GJC1: variants seen among roughly 807,000 people sequenced by gnomAD.
GJC1 encodes the protein gap junction gamma-1 protein.
A neutral mutation model predicts 29.3 loss-of-function variants in GJC1; 5 were observed. That is an observed-to-expected ratio of 0.17 (90% CI 0.09 to 0.36). GJC1 has a LOEUF of 0.36. GJC1 is among the 10% of genes least tolerant of loss of function. The pLI is 1.00. For missense variants in GJC1, 310 were observed against 496.2 expected, an observed-to-expected ratio of 0.62 and a Z score of 3.56; for synonymous variants, 177 against 183.3, an observed-to-expected ratio of 0.97 and a Z score of 0.28.
chr17:44,806,700 C>T (rs987795060), intron 2 of GJC1, among the ~76,000 whole-genome samples: 5 of 151,732 alleles, frequency 3.3e-5, no homozygotes, highest in Non-Finnish European at 7.4e-5. Context: ...GACCTAGGTT[C>T]TTTACACATA....
At chr17:44,825,435 G>A (rs540990738) in intron 1 of GJC1, among the ~76,000 whole-genome samples, 26 of 151,870 alleles carry the variant, frequency 1.7e-4, no homozygotes, top group Admixed American at 5.3e-4. Context: ...GCGGTGAGCC[G>A]AGATTGCGCG....
chr17:44,804,589 ATAAACTATGAAAAGCACAGGTT>A lies in GJC1; in HGVS notation c.*16_*37del, dbSNP rs777233326. 1 of 1,467,786 alleles carries A rather than the reference ATAAACTATGAAAAGCACAGGTT, an allele frequency of 6.8e-7. No homozygotes were observed. The highest frequency in any genetic ancestry group is 2.3e-5 in the East Asian group (1 of 44,162). The allele number at this position is 1,467,786 out of a possible 1,614,324, so 90.9% of individuals were successfully genotyped here. A position where few individuals can be genotyped will look rare whatever the true frequency, so the allele number is the denominator to read the frequency against. On this transcript the variant is annotated 3_prime_UTR_variant, in exon 3 of 3. Transcript: ENST00000592524. Reference sequence around the variant, plus strand: ...ATTATTCAGTGAGCTGCTGCTTACCATAAACTATGAAAAGCACAGGTTTTAAGCCCGCCAGGATTAAATCCAG... The same window carrying A: ...ATTATTCAGTGAGCTGCTGCTTACCATTAAGCCCGCCAGGATTAAATCCAG...
chr17:44,808,554 C>T (rs1308712317), intron 1 of GJC1, among the ~76,000 whole-genome samples: 1 of 151,860 alleles, frequency 6.6e-6, no homozygotes, highest in Non-Finnish European at 1.5e-5. Context: ...AGTTTGAGAC[C>T]AGCCTGGGCA....
Position 44,804,523 on chromosome 17 carries a change from C to T in GJC1, c.*104G>A. The T allele has an allele frequency of 1.1e-6, 1 of 926,698 alleles. No individual in the cohort carries two copies. The highest frequency in any genetic ancestry group is 1.7e-6 in the Non-Finnish European group (1 of 599,966). The allele number at this position is 926,698 out of a possible 1,614,324, so 57.4% of individuals were successfully genotyped here. ...GCTTGGATCATGAGCCAACAGCATC[C>T]CTGAAGATAACCAGAGCCAAATGTT... is the stretch of plus-strand genomic sequence containing the variant. On this transcript the variant is annotated 3_prime_UTR_variant, in exon 3 of 3. Transcript: ENST00000592524.
intron 1 of GJC1, among the ~76,000 whole-genome samples, chr17:44,827,169 G>A (rs2050185177): frequency 6.6e-6 from 1 of 152,056 alleles, no homozygotes; most frequent in African/African-American, 2.4e-5. Flanking sequence ...AATTAGCTGG[G>A]CATGGTGGGG....
chr17:44,821,697 CAAAAAA>C (rs61303163), intron 1 of GJC1, among the ~76,000 whole-genome samples: 6 of 58,356 alleles, frequency 1.0e-4, no homozygotes, highest in African/African-American at 3.1e-4. Flanking sequence ...AACTCCGTCT[CAAAAAA>C]AAAAAAAAAA....
chr17:44,821,883 C>T (rs12942842), intron 1 of GJC1, among the ~76,000 whole-genome samples: 76,831 of 151,292 alleles, frequency 0.51, 19,747 homozygotes, highest in East Asian at 0.6. Flanking sequence ...TAAACAAATA[C>T]AGGGCATTTA....
chr17:44,804,638 C>T lies in GJC1; in HGVS notation c.1180G>A (p.Val394Ile), dbSNP rs146820007. ...SSKSGDGKTSVWI is the reference protein window; with the variant it reads ...SSKSGDGKTSIWI ...TAAGCCCGCCAGGATTAAATCCAGACGGAGGTCTTCCCATCCCCTGATTTG... is the reference window on the plus strand; with the variant it reads ...TAAGCCCGCCAGGATTAAATCCAGATGGAGGTCTTCCCATCCCCTGATTTG... The change falls in exon 3 of 3, where the codon GTC becomes ATC. Residue 394 changes from valine to isoleucine, a missense_variant. Transcript: ENST00000592524. 4.3e-4 allele frequency: 689 copies of T among 1,610,888 alleles called. 1 individual carries two copies. The highest frequency in any genetic ancestry group is 8.4e-4 in the Admixed American group (50 of 59,850).
downstream of GJC1, among the ~76,000 whole-genome samples, chr17:44,795,784 T>C (rs573408546): frequency 1.3e-5 from 2 of 152,252 alleles, no homozygotes; most frequent in Non-Finnish European, 2.9e-5. Flanking sequence ...TTTAGCCGTC[T>C]ATAGGCGGCT....
intron 1 of GJC1, among the ~76,000 whole-genome samples, chr17:44,820,985 A>G (rs1432197450): frequency 9.9e-5 from 15 of 152,178 alleles, no homozygotes; most frequent in Non-Finnish European, 8.8e-5. Context: ...TATTTGAAAA[A>G]CCTAAAATAT....
chr17:44,830,375 GA>G (rs1016857775), upstream of GJC1: 11 of 254,368 alleles, frequency 4.3e-5, no homozygotes, highest in Non-Finnish European at 7.4e-5. This position sits in a 1 kb window ranked among gnomAD's most constrained non-coding sequence, Gnocchi z 4.3. Context: ...GCTCGAGTGG[GA>G]GGGGGGCGCC....
chr17:44,809,394 T>C (rs533828067), intron 1 of GJC1, among the ~76,000 whole-genome samples: 44 of 152,182 alleles, frequency 2.9e-4, no homozygotes, highest in Non-Finnish European at 4.9e-4. Flanking sequence ...TAAATGGTGA[T>C]GTAAGCCAGG....
intron 1 of GJC1, among the ~76,000 whole-genome samples, chr17:44,819,178 C>T (rs768146417): frequency 6.6e-6 from 1 of 152,064 alleles, no homozygotes; most frequent in Non-Finnish European, 1.5e-5. Flanking sequence ...AAACTCTAGA[C>T]CCAGAAACAG....
intron 1 of GJC1, among the ~76,000 whole-genome samples, chr17:44,826,314 T>C (rs1687140417): frequency 6.6e-6 from 1 of 152,028 alleles, no homozygotes; most frequent in African/African-American, 2.4e-5. Flanking sequence ...GGCCGGATCA[T>C]GAGATCAGGA....
downstream of GJC1, chr17:44,795,032 T>C (rs1322705487): frequency 1.3e-5 from 2 of 152,216 alleles, no homozygotes; most frequent in African/African-American, 4.8e-5. Flanking sequence ...CTTGTCACCA[T>C]GTCATGTCAG....
intron 1 of GJC1, among the ~76,000 whole-genome samples, chr17:44,811,796 G>C (rs1449260166): frequency 6.6e-6 from 1 of 151,996 alleles, no homozygotes; most frequent in Non-Finnish European, 1.5e-5. Context: ...CTGAGGTCGG[G>C]AGTTCGAGAC....
intron 1 of GJC1, among the ~76,000 whole-genome samples, chr17:44,816,795 G>A (rs1285681287): frequency 6.6e-6 from 1 of 151,960 alleles, no homozygotes; most frequent in Non-Finnish European, 1.5e-5. Context: ...GTGAGCTACC[G>A]CGCCCAGCCG....
chr17:44,821,730 A>AAAAAAAAAAC (rs1567714313), intron 1 of GJC1, among the ~76,000 whole-genome samples: 4 of 141,392 alleles, frequency 2.8e-5, no homozygotes, highest in Non-Finnish European at 4.6e-5. Context: ...AAAAAACAAC[A>AAAAAAAAAAC]AAAAAACACC....
Position 44,830,074 on chromosome 17 carries a change from TC to T in GJC1, c.-110del. 1.3e-5 allele frequency: 2 copies of T among 151,938 alleles called. No individual in the cohort carries two copies. The highest frequency in any genetic ancestry group is 1.5e-5 in the Non-Finnish European group (1 of 67,722). 9.4% of individuals were successfully genotyped at this position (151,938 alleles called of 1,614,324 possible). A position where few individuals can be genotyped will look rare whatever the true frequency, so the allele number is the denominator to read the frequency against. ...GGCCGCCCCTCACCCGGCGGCGGGT[TC>T]CCCCGGAGCCGCCTCCTCCGCCGGG... On this transcript the variant is annotated 5_prime_UTR_variant, in exon 1 of 3. The change creates a premature stop within an existing upstream ORF in the 5' untranslated region. Transcript: ENST00000592524. This position sits in a 1 kb window ranked among gnomAD's most constrained non-coding sequence, Gnocchi z 4.3.
Sources: gnomAD v4.1 joint callset for allele counts (sites outside exome capture counted in the v4.1 genomes callset) on GRCh38, gnomAD v4.1.1 for gene constraint, Gnocchi (gnomAD v3.1) non-coding constraint, MANE v1.5 for transcripts, NCBI Gene and HGNC (gene_info 2026-07-23, HGNC 2026-07-21) for gene names.